TSNARE1: variants seen among roughly 807,000 people sequenced by gnomAD.
TSNARE1 encodes t-SNARE domain containing 1.
TSNARE1 carries 49 observed loss-of-function variants against 62.0 expected under a neutral mutation model. That is an observed-to-expected ratio of 0.79 (90% CI 0.63 to 1.00). The LOEUF (loss-of-function observed/expected upper bound fraction) is 1.00, where lower values mean the gene tolerates loss of function less well. TSNARE1 is among the 50% of genes least tolerant of loss of function. The pLI is 0.00. For missense variants in TSNARE1, 755 were observed against 700.1 expected, an observed-to-expected ratio of 1.08 and a Z score of -0.88; for synonymous variants, 328 against 294.4, an observed-to-expected ratio of 1.11 and a Z score of -1.17.
chr8:142,336,242 C>A (rs1215885019), intron 4 of TSNARE1, among the ~76,000 whole-genome samples: 1 of 134,846 alleles, frequency 7.4e-6, no homozygotes, highest in Non-Finnish European at 1.5e-5. Flanking sequence ...GATCACACCG[C>A]TACATTTTAG....
intron 8 of TSNARE1, 127 bp downstream of exon 8, chr8:142,314,876 T>C: frequency 2.3e-6 from 2 of 879,156 alleles, no homozygotes; most frequent in Admixed American, 4.2e-5. Flanking sequence ...AGAACAACCC[T>C]CTTCTCTGCC....
intron 13 of TSNARE1, among the ~76,000 whole-genome samples, chr8:142,225,603 C>T (rs1454972596): frequency 6.6e-6 from 1 of 152,222 alleles, no homozygotes; most frequent in African/African-American, 2.4e-5. Context: ...GCCGCCACAC[C>T]TCAGAGCAGC....
At chr8:142,289,996 TC>T (rs988411840) in intron 10 of TSNARE1, among the ~76,000 whole-genome samples, 16 of 151,798 alleles carry the variant, frequency 1.1e-4, no homozygotes, top group South Asian at 6.3e-4. Context: ...CATGGGTGGG[TC>T]CCCCCAGGCA....
intron 1 of TSNARE1, among the ~76,000 whole-genome samples, chr8:142,384,878 C>T (rs1317824305): frequency 7.2e-5 from 11 of 152,144 alleles, no homozygotes; most frequent in Admixed American, 7.2e-4. Context: ...AGTACACTAT[C>T]AACAGACTGC....
intron 12 of TSNARE1, chr8:142,271,822 C>T (rs76669344): frequency 0.09 from 49,139 of 547,798 alleles, 2,698 homozygotes; most frequent in Non-Finnish European, 0.11. Flanking sequence ...CACGATGCTC[C>T]GTCTGCAGTG....
intron 13 of TSNARE1, among the ~76,000 whole-genome samples, chr8:142,226,410 C>CGCCTCCCGCCCACCTCTCA (rs1352819445): frequency 6.6e-6 from 1 of 152,170 alleles, no homozygotes; most frequent in Admixed American, 6.5e-5. Context: ...CTACGGTTGG[C>CGCCTCCCGCCCACCTCTCA]GCCTCCCGCC....
At chr8:142,284,192 G>C (rs568850327) in intron 11 of TSNARE1, among the ~76,000 whole-genome samples, 2 of 152,216 alleles carry the variant, frequency 1.3e-5, no homozygotes, top group East Asian at 3.8e-4. Flanking sequence ...GCAGGGACCA[G>C]TGTCAATGAG....
chr8:142,261,819 G>A (rs564324076), intron 12 of TSNARE1, among the ~76,000 whole-genome samples: 56 of 152,300 alleles, frequency 3.7e-4, no homozygotes, highest in African/African-American at 1.2e-3. Flanking sequence ...AACATGCTAC[G>A]AGTCTGTCCT....
At chr8:142,321,676 A>G (rs568443093) in intron 6 of TSNARE1, among the ~76,000 whole-genome samples, 2 of 152,320 alleles carry the variant, frequency 1.3e-5, no homozygotes, top group East Asian at 3.9e-4. Context: ...AACACAAATC[A>G]TATCAGGCCC....
chr8:142,399,657 G>A (rs72614033), intron 1 of TSNARE1, among the ~76,000 whole-genome samples: 8,946 of 152,150 alleles, frequency 0.059, 460 homozygotes, highest in East Asian at 0.27. Context: ...TAGTCTTTTG[G>A]TCACCACTGC....
chr8:142,278,012 G>A (rs1820782705), intron 11 of TSNARE1: 2 of 985,280 alleles, frequency 2.0e-6, no homozygotes, highest in Non-Finnish European at 2.4e-6. Flanking sequence ...CCCTTCAGGA[G>A]ACAATGTGGC....
rs925107728 is a variant in TSNARE1 at position 142,318,681 on chromosome 8, G to A, written c.894-47C>T. ...GGAGCGAAGGCAGGGGAGGAAGGCA[G>A]CAGAGAGCAAGGGCCCAGAAGGACG... is the stretch of plus-strand genomic sequence containing the variant. On this transcript the variant is annotated intron_variant, in intron 6 of 13. Transcript: ENST00000524325. The A allele has an allele frequency of 2.5e-6, 4 of 1,599,512 alleles. No homozygotes were observed. In the South Asian group the frequency reaches 3.3e-5, roughly 13 times the overall value.
intron 1 of TSNARE1, among the ~76,000 whole-genome samples, chr8:142,374,486 G>A (rs571477404): frequency 6.6e-6 from 1 of 151,640 alleles, no homozygotes; most frequent in South Asian, 2.1e-4. Flanking sequence ...ACACCATCCT[G>A]GCTAACATGG....
At chr8:142,260,349 C>G (rs543148524) in intron 12 of TSNARE1, among the ~76,000 whole-genome samples, 1 of 151,990 alleles carries the variant, frequency 6.6e-6, no homozygotes, top group African/African-American at 2.4e-5. Context: ...AAAAGCGAGT[C>G]GGGAAGTTGA....
At chr8:142,344,531 C>G in intron 3 of TSNARE1, 59 bp from the exon 4 acceptor site, 3 of 1,423,138 alleles carry the variant, frequency 2.1e-6, no homozygotes, top group Non-Finnish European at 1.8e-6. Context: ...GCAGCGGCCC[C>G]GGCGGCAGCT....
chr8:142,383,457 G>A (rs1415934278), intron 1 of TSNARE1, among the ~76,000 whole-genome samples: 3 of 151,728 alleles, frequency 2.0e-5, no homozygotes, highest in Non-Finnish European at 4.4e-5. Context: ...GCCATCCTCT[G>A]TGGGAGGCCC....
intron 13 of TSNARE1, among the ~76,000 whole-genome samples, chr8:142,220,695 G>T (rs1395191279): frequency 6.6e-6 from 1 of 152,236 alleles, no homozygotes; most frequent in Non-Finnish European, 1.5e-5. Flanking sequence ...AAAGGCAGCA[G>T]GCACTGAACT....
chr8:142,244,717 C>T (rs553260751), intron 12 of TSNARE1, among the ~76,000 whole-genome samples: 3 of 152,354 alleles, frequency 2.0e-5, no homozygotes, highest in East Asian at 1.9e-4. Flanking sequence ...TCGTTCCATA[C>T]GGAAGAGTAG....
At chr8:142,375,940 G>A (rs1836300376) in intron 1 of TSNARE1, among the ~76,000 whole-genome samples, 1 of 152,200 alleles carries the variant, frequency 6.6e-6, no homozygotes, top group Non-Finnish European at 1.5e-5. Context: ...AAAGCAGCGG[G>A]CAGGGCCTCC....
Sources: allele counts gnomAD v4.1 joint callset (sites outside exome capture counted in the v4.1 genomes callset), GRCh38; gene constraint gnomAD v4.1.1; transcripts MANE v1.5; gene names NCBI Gene and HGNC (gene_info 2026-07-23, HGNC 2026-07-21).